CLOCK: variants seen among roughly 807,000 people sequenced by gnomAD.
CLOCK encodes the protein clock circadian regulator.
CLOCK carries 43 observed loss-of-function variants against 118.4 expected under a neutral mutation model. The observed-to-expected ratio is 0.36, with a 90% CI of 0.28 to 0.47. CLOCK has a LOEUF of 0.47. Ranked by LOEUF, CLOCK falls within the 20% of genes least tolerant of loss-of-function variation. CLOCK has a pLI of 1.00. For synonymous variants in CLOCK, 326 were observed against 339.2 expected, an observed-to-expected ratio of 0.96 and a Z score of 0.43; for missense variants, 846 against 999.9, an observed-to-expected ratio of 0.85 and a Z score of 2.08.
At chr4:55,538,544 T>A (rs141414730) in intron 1 of CLOCK, among the ~76,000 whole-genome samples, 1,943 of 152,032 alleles carry the variant, frequency 0.013, 46 homozygotes, top group African/African-American at 0.043. Flanking sequence ...GAGAAAAAAA[T>A]TTTTTTCAAC....
chr4:55,472,515 A>G (rs1331606146), intron 7 of CLOCK, among the ~76,000 whole-genome samples: 1 of 152,072 alleles, frequency 6.6e-6, no homozygotes, highest in Non-Finnish European at 1.5e-5. Context: ...AATGGTCAAT[A>G]CACTAAATTC....
chr4:55,537,418 C>A (rs912862295), intron 1 of CLOCK, among the ~76,000 whole-genome samples: 1 of 151,888 alleles, frequency 6.6e-6, no homozygotes, highest in African/African-American at 2.4e-5. Flanking sequence ...CAGGAGTTGA[C>A]GACCAGCCTG....
At chr4:55,460,700 G>C (rs887744061) in intron 9 of CLOCK, among the ~76,000 whole-genome samples, 3 of 152,056 alleles carry the variant, frequency 2.0e-5, no homozygotes, top group African/African-American at 7.2e-5. Context: ...TACTTTCATG[G>C]TATTATTTCC....
intron 1 of CLOCK, among the ~76,000 whole-genome samples, chr4:55,542,836 G>A (rs1731371664): frequency 1.3e-5 from 2 of 151,848 alleles, no homozygotes; most frequent in Non-Finnish European, 2.9e-5. Flanking sequence ...AGCAAGTACA[G>A]AAGGAAAAAA....
chr4:55,460,452 G>A (rs1192121194), intron 9 of CLOCK, among the ~76,000 whole-genome samples: 2 of 152,090 alleles, frequency 1.3e-5, no homozygotes, highest in African/African-American at 4.8e-5. Flanking sequence ...AGCTCCCTTC[G>A]TCTATGTATG....
intron 1 of CLOCK, among the ~76,000 whole-genome samples, chr4:55,513,617 T>A (rs978314068): frequency 6.6e-6 from 1 of 152,172 alleles, no homozygotes; most frequent in African/African-American, 2.4e-5. Context: ...CTTTCAATTT[T>A]AAGTTGCCTA....
intron 22 of CLOCK, among the ~76,000 whole-genome samples, chr4:55,436,761 G>C (rs1030952505): frequency 5.9e-5 from 9 of 152,130 alleles, no homozygotes; most frequent in African/African-American, 2.2e-4. Flanking sequence ...ATTACAACAG[G>C]AGCATGTTTT....
rs1722554171 is a variant in CLOCK, at chr4:55,432,159, C to A, written c.*3256G>T. The stretch of plus-strand genomic sequence containing the variant: ...GAATTTGGGATGCTCGAAGGCTAGA[C>A]CGTAGTATTTACTCACATGCTACCT... On this transcript the variant is annotated 3_prime_UTR_variant, in exon 23 of 23. Transcript: ENST00000513440. 6.6e-6 allele frequency: 1 copy of A among 152,170 alleles called. No individual in the cohort carries two copies. Among genetic ancestry groups the A allele is most frequent in the Non-Finnish European group, 1.5e-5 (1 of 68,040 alleles). The allele number at this position is 152,170 out of a possible 1,614,324, so 9.4% of individuals were successfully genotyped here. A position where few individuals can be genotyped will look rare whatever the true frequency, so the allele number is the denominator to read the frequency against.
At chr4:55,543,658 G>C (rs1035012332) in intron 1 of CLOCK, among the ~76,000 whole-genome samples, 4 of 150,672 alleles carry the variant, frequency 2.7e-5, no homozygotes, top group African/African-American at 7.3e-5. Flanking sequence ...AAAAATAAGA[G>C]TCCCAGCTAC....
At chr4:55,467,206 T>C (rs1367510547) in intron 8 of CLOCK, among the ~76,000 whole-genome samples, 11 of 152,200 alleles carry the variant, frequency 7.2e-5, no homozygotes. Flanking sequence ...CTATCACATG[T>C]TGTCTATTTC....
Position 55,433,438 on chromosome 4 carries a change from C to A in CLOCK, c.*1977G>T, listed in dbSNP as rs1449942813. 6.6e-6 allele frequency: 1 copy of A among 152,422 alleles called. No homozygotes were observed. The highest frequency in any genetic ancestry group is 1.5e-5 in the Non-Finnish European group (1 of 68,014). The allele number at this position is 152,422 out of a possible 1,614,324, so 9.4% of individuals were successfully genotyped here. On this transcript the variant is annotated 3_prime_UTR_variant, in exon 23 of 23. Coordinates refer to ENST00000513440, the MANE Select transcript of CLOCK (RefSeq NM_004898.4). ...TTCTGCAGAAAGACAAAGTATATGC[C>A]TTAAGGATAACAGCAAAGCAGAGGA... is the stretch of plus-strand genomic sequence containing the variant.
chr4:55,532,552 A>T (rs547047278), intron 1 of CLOCK, among the ~76,000 whole-genome samples: 1 of 152,238 alleles, frequency 6.6e-6, no homozygotes, highest in African/African-American at 2.4e-5. Flanking sequence ...TAAAAAAAAA[A>T]ATCCCAATTT....
At chr4:55,463,648 C>T (rs925690368) in intron 9 of CLOCK, 37 bp downstream of exon 9, 2 of 1,609,498 alleles carry the variant, frequency 1.2e-6, no homozygotes, top group South Asian at 1.1e-5. Flanking sequence ...CTACTGAATA[C>T]AACATTTGAC....
At chr4:55,517,639 G>T (rs539686808) in intron 1 of CLOCK, among the ~76,000 whole-genome samples, 1 of 152,290 alleles carries the variant, frequency 6.6e-6, no homozygotes, top group East Asian at 1.9e-4. Context: ...TCTGGTTGCA[G>T]TATCAGGATA....
At chr4:55,532,076 CAT>C (rs981678084) in intron 1 of CLOCK, among the ~76,000 whole-genome samples, 24 of 152,214 alleles carry the variant, frequency 1.6e-4, no homozygotes, top group South Asian at 8.3e-4. Flanking sequence ...ACAAAAACCA[CAT>C]GATTCCAATT....
intron 3 of CLOCK, 123 bp downstream of exon 3, chr4:55,489,249 AAC>A (rs1727512932): frequency 6.6e-6 from 1 of 152,370 alleles, no homozygotes; most frequent in East Asian, 1.9e-4. Context: ...GTGGTAAATT[AAC>A]ACACAAAAAT....
chr4:55,442,140 C>G (rs1015503144), intron 21 of CLOCK: 4 of 332,224 alleles, frequency 1.2e-5, no homozygotes, highest in Admixed American at 4.3e-5. Context: ...AAAAGCTTCA[C>G]AGTGACACAG....
chr4:55,465,054 C>A (rs1254727003), intron 8 of CLOCK, among the ~76,000 whole-genome samples: 3 of 152,064 alleles, frequency 2.0e-5, no homozygotes, highest in African/African-American at 4.8e-5. Context: ...AAATAAAATT[C>A]TTTTATTATT....
chr4:55,439,919 G>A (rs778440257), intron 21 of CLOCK, among the ~76,000 whole-genome samples: 4 of 152,074 alleles, frequency 2.6e-5, no homozygotes, highest in Non-Finnish European at 5.9e-5. Flanking sequence ...GAAATGGTTA[G>A]GGGAGATGGT....
Sources: allele counts gnomAD v4.1 joint callset (sites outside exome capture counted in the v4.1 genomes callset), GRCh38; gene constraint gnomAD v4.1.1; transcripts MANE v1.5; gene names NCBI Gene and HGNC (gene_info 2026-07-23, HGNC 2026-07-21).